The following SLC14A2 variants were observed in gnomAD, a reference collection of about 807,000 sequenced individuals.
SLC14A2 encodes the protein solute carrier family 14 member 2, also known as urea transporter 2.
A neutral mutation model predicts 104.6 loss-of-function variants in SLC14A2; 91 were observed. That is an observed-to-expected ratio of 0.87 (90% CI 0.73 to 1.04). The LOEUF (loss-of-function observed/expected upper bound fraction) is 1.04. Ranked by LOEUF, SLC14A2 falls within the 50% of genes least tolerant of loss-of-function variation. SLC14A2 has a pLI of 0.00. For missense variants in SLC14A2, 1,189 were observed against 1,156.0 expected (o/e 1.03, Z -0.41); for synonymous variants, 476 against 466.4 (o/e 1.02, Z -0.27).
the SLC14A2 span, among the ~76,000 whole-genome samples, chr18:45,175,041 A>G: frequency 3.3e-5 from 5 of 152,250 alleles, no homozygotes; most frequent in Middle Eastern, 3.4e-3. Flanking sequence ...AATGAGTACA[A>G]CCCCGATGAA....
At chr18:45,168,859 G>C in the SLC14A2 span, 1 of 152,026 alleles carries the variant, frequency 6.6e-6, no homozygotes, top group Non-Finnish European at 1.5e-5. Flanking sequence ...AAAATCTCCT[G>C]CTCTCTATAT....
intron 1 of SLC14A2, among the ~76,000 whole-genome samples, chr18:45,292,261 A>C (rs1011088690): frequency 1.3e-5 from 2 of 152,196 alleles, no homozygotes; most frequent in African/African-American, 4.8e-5. Flanking sequence ...TCATAAAGAG[A>C]GACATTGAAA....
rs11315024 is a variant in SLC14A2, at chr18:45,405,897, GAAA to G, written c.-124-77320_-124-77318del. 9.2e-3 allele frequency among the ~76,000 whole-genome samples: 1,193 copies of G among 129,236 alleles called. 6 individuals are homozygous for G. Among genetic ancestry groups the G allele is most frequent in the Non-Finnish European group, 0.013 (813 of 61,008 alleles). 84.8% of individuals were successfully genotyped at this position (129,236 alleles called of 152,430 possible). A position where few individuals can be genotyped will look rare whatever the true frequency, so the allele number is the denominator to read the frequency against. On this transcript the variant is annotated intron_variant, in intron 1 of 20. Transcript: ENST00000586448. ...CTGTGCGACAGGGAGACTCCATCTC[GAAA>G]AAAAAAAAAAAAAAATGCTAACAGT...
In SLC14A2 at chr18:45,498,617, G is replaced by A. The variant is rs114246306; in HGVS notation, c.-35+15295G>A. The stretch of plus-strand genomic sequence containing the variant: ...CCTGTTCCTGGAGACTGTCAGATCT[G>A]CTCTGAAGTTAACCTCCATCTCAGC... On this transcript the variant is annotated intron_variant, in intron 2 of 20. Transcript: ENST00000586448. Among the ~76,000 whole-genome samples, 236 of 152,220 alleles carry A rather than the reference G, an allele frequency of 1.6e-3. 2 individuals are homozygous for A. Among genetic ancestry groups the A allele is most frequent in the African/African-American group, 5.3e-3 (222 of 41,536 alleles).
chr18:45,429,500 C>T (rs2086481918), intron 1 of SLC14A2, among the ~76,000 whole-genome samples: 1 of 152,174 alleles, frequency 6.6e-6, no homozygotes, highest in African/African-American at 2.4e-5. Flanking sequence ...ACAGGGAAAG[C>T]CTTGAGGAAG....
intron 2 of SLC14A2, among the ~76,000 whole-genome samples, chr18:45,524,630 C>A (rs2043565443): frequency 6.6e-6 from 1 of 152,182 alleles, no homozygotes; most frequent in Non-Finnish European, 1.5e-5. Flanking sequence ...ACACATGAAA[C>A]TTTGGCATTT....
At chr18:45,658,752 A>G (rs2045885203) in intron 10 of SLC14A2, among the ~76,000 whole-genome samples, 1 of 151,936 alleles carries the variant, frequency 6.6e-6, no homozygotes, top group African/African-American at 2.4e-5. Flanking sequence ...AAGTGTTATA[A>G]CTTTATTTCA....
chr18:45,678,935 G>C, intron 18 of SLC14A2, 40 bp from the exon 19 acceptor site: 1 of 1,535,646 alleles, frequency 6.5e-7, no homozygotes, highest in Non-Finnish European at 8.8e-7. Context: ...CTATTAAATA[G>C]TTACTGGTCT....
chr18:45,288,146 C>T (rs1162087328), intron 1 of SLC14A2, among the ~76,000 whole-genome samples: 1 of 149,630 alleles, frequency 6.7e-6, no homozygotes, highest in Non-Finnish European at 1.5e-5. Context: ...CTACAAAGCT[C>T]TTCACTGGGG....
intron 1 of SLC14A2, among the ~76,000 whole-genome samples, chr18:45,284,775 G>C (rs1215691129): frequency 6.6e-6 from 1 of 152,178 alleles, no homozygotes; most frequent in African/African-American, 2.4e-5. Context: ...GGGTCTGGGG[G>C]CTGAAAGAAT....
At chr18:45,576,044 A>G (rs2044414234) in intron 2 of SLC14A2, among the ~76,000 whole-genome samples, 1 of 152,198 alleles carries the variant, frequency 6.6e-6, no homozygotes, top group Admixed American at 6.5e-5. Flanking sequence ...GTGATTTGGC[A>G]GTCAAAGGGA....
At chr18:45,679,527 G>A (rs2046282117) in intron 19 of SLC14A2, among the ~76,000 whole-genome samples, 1 of 152,196 alleles carries the variant, frequency 6.6e-6, no homozygotes, top group Non-Finnish European at 1.5e-5. Flanking sequence ...CTCCAGTGTA[G>A]GGTGATGTGT....
At chr18:45,223,323 A>G (rs914066486) in intron 1 of SLC14A2, among the ~76,000 whole-genome samples, 2 of 152,176 alleles carry the variant, frequency 1.3e-5, no homozygotes, top group African/African-American at 4.8e-5. Context: ...TGGGTCATGC[A>G]TTAAGCACCA....
At chr18:45,290,300 G>A (rs763125729) in intron 1 of SLC14A2, among the ~76,000 whole-genome samples, 3 of 152,038 alleles carry the variant, frequency 2.0e-5, no homozygotes, top group Non-Finnish European at 2.9e-5. Context: ...GCAGTCTTTT[G>A]TTCCATTCTT....
chr18:45,200,994 T>C, the SLC14A2 span, among the ~76,000 whole-genome samples: 30 of 152,154 alleles, frequency 2.0e-4, no homozygotes, highest in Non-Finnish European at 2.9e-5. Context: ...TTTAGGCTTC[T>C]CTTGGCTATG....
chr18:45,589,615 T>C lies in SLC14A2; in HGVS notation c.-34-35016T>C, dbSNP rs1186033675. Among the ~76,000 whole-genome samples, 5 of 152,184 alleles carry C rather than the reference T, an allele frequency of 3.3e-5. No homozygotes were observed. In the East Asian group the frequency reaches 9.6e-4, roughly 29 times the overall value. ...TCATTCCGGATCAAATTCAATGGAT[T>C]TTGGCAAGAGTTGAAAAACCCAGAT... On this transcript the variant is annotated intron_variant, in intron 2 of 20. Transcript: ENST00000586448.
intron 1 of SLC14A2, among the ~76,000 whole-genome samples, chr18:45,240,656 GT>G (rs2084305945): frequency 7.5e-6 from 1 of 134,218 alleles, no homozygotes; most frequent in Admixed American, 7.1e-5. Context: ...TTTTGTTTTT[GT>G]TTTTGGTTTT....
At chr18:45,363,336 A>T (rs1362542686) in intron 1 of SLC14A2, among the ~76,000 whole-genome samples, 1 of 152,092 alleles carries the variant, frequency 6.6e-6, no homozygotes, top group African/African-American at 2.4e-5. Context: ...TAATAATTGT[A>T]TCTATGGGCC....
At position 45,435,452 on chromosome 18, in the gene SLC14A2, A is replaced by G. The variant is rs368952718; in HGVS notation, c.-124-47781A>G. 7.2e-5 allele frequency: 11 copies of G among 152,242 alleles called. No homozygotes were observed. The East Asian group carries it at 2.1e-3, about 29-fold the overall frequency. The allele number at this position is 152,242 out of a possible 1,614,324, so 9.4% of individuals were successfully genotyped here. On this transcript the variant is annotated intron_variant, in intron 1 of 20. Transcript: ENST00000586448. ...TCTGTGCATGAAAAATGAGTATTTCATCAGCTAGTATTATAATATCACACA... is the reference window on the plus strand; with the variant it reads ...TCTGTGCATGAAAAATGAGTATTTCGTCAGCTAGTATTATAATATCACACA...
Sources: allele counts gnomAD v4.1 joint callset (sites outside exome capture counted in the v4.1 genomes callset), GRCh38; gene constraint gnomAD v4.1.1; transcripts MANE v1.5; gene names NCBI Gene and HGNC (gene_info 2026-07-23, HGNC 2026-07-21).